The following PKNOX2 variants were observed in gnomAD, a reference collection of about 807,000 sequenced individuals.
PKNOX2 encodes homeobox protein PKNOX2.
In PKNOX2, 14 loss-of-function variants were observed where a neutral mutation model predicts 53.1. The ratio of observed to expected loss-of-function variants is 0.26; its 90% CI spans 0.17 to 0.41. The LOEUF is 0.41. Ranked by LOEUF, PKNOX2 falls within the 10% of genes least tolerant of loss-of-function variation. The pLI, the probability that PKNOX2 is intolerant of heterozygous loss-of-function variation, is 1.00. For synonymous variants in PKNOX2, 257 were observed against 242.8 expected (o/e 1.06, Z -0.54); for missense variants, 496 against 602.8 (o/e 0.82, Z 1.85).
At chr11:125,343,325 A>T (rs1481624666) in intron 3 of PKNOX2, among the ~76,000 whole-genome samples, 2 of 152,216 alleles carry the variant, frequency 1.3e-5, no homozygotes, top group East Asian at 1.9e-4. Context: ...AGGTAGGAAA[A>T]AGCGCACACC....
intron 5 of PKNOX2, among the ~76,000 whole-genome samples, chr11:125,381,695 A>T (rs1344142137): frequency 1.3e-5 from 2 of 152,010 alleles, no homozygotes; most frequent in African/African-American, 2.4e-5. Context: ...GCACCTCATG[A>T]TCTGACTCCT....
intron 2 of PKNOX2, among the ~76,000 whole-genome samples, chr11:125,255,347 C>T (rs147967676): frequency 1.8e-4 from 27 of 152,290 alleles, no homozygotes; most frequent in South Asian, 8.3e-4. Flanking sequence ...TAGCCTCGCT[C>T]ATATCATGAG....
At chr11:125,351,484 G>A (rs953312183) in intron 4 of PKNOX2, 92 bp downstream of exon 4, 32 of 811,684 alleles carry the variant, frequency 3.9e-5, no homozygotes, top group Middle Eastern at 5.6e-4. Flanking sequence ...TCCAGGGGCC[G>A]ACGGGCAGAG....
chr11:125,322,205 T>G (rs1323392541), intron 2 of PKNOX2, among the ~76,000 whole-genome samples: 3 of 148,550 alleles, frequency 2.0e-5, no homozygotes, highest in South Asian at 4.2e-4. Context: ...ATGTGTCTTA[T>G]TCAAAAAAAA....
chr11:125,376,390 C>T (rs1484904058), intron 5 of PKNOX2, among the ~76,000 whole-genome samples: 1 of 152,208 alleles, frequency 6.6e-6, no homozygotes, highest in African/African-American at 2.4e-5. Flanking sequence ...TCCCACCCCC[C>T]TCTGTTCTCT....
intron 5 of PKNOX2, among the ~76,000 whole-genome samples, chr11:125,378,815 G>T (rs769658737): frequency 1.3e-5 from 2 of 152,150 alleles, no homozygotes; most frequent in Non-Finnish European, 2.9e-5. Context: ...CCTCGCCCCC[G>T]CTCATGGCTG....
chr11:125,229,182 C>T (rs908580646), intron 1 of PKNOX2, among the ~76,000 whole-genome samples: 5 of 152,164 alleles, frequency 3.3e-5, no homozygotes, highest in African/African-American at 1.2e-4. Flanking sequence ...GCGACACCCC[C>T]ACCACCCCCA....
At chr11:125,195,738 G>A (rs925215859) in intron 1 of PKNOX2, among the ~76,000 whole-genome samples, 2 of 152,152 alleles carry the variant, frequency 1.3e-5, no homozygotes, top group South Asian at 2.1e-4. Flanking sequence ...GGCCAGTGGG[G>A]CAGTCCCATC....
rs1274816650 is a variant in PKNOX2 at position 125,385,567 on chromosome 11, C to T, written c.244C>T (p.Leu82Phe). 9 of 1,610,510 alleles carry T rather than the reference C, an allele frequency of 5.6e-6. No individual in the cohort carries two copies. The highest frequency in any genetic ancestry group is 8.5e-7 in the Non-Finnish European group (1 of 1,178,632). ...TCCCTGCAGGCACCCTCTTTTCCCG[C>T]TCCTGACGCTGCTGTTTGAGAAATG... ...RAVYRHPLFP[L>F]LTLLFEKCEQ... The change falls in exon 6 of 13, where the codon CTC becomes TTC. Residue 82 changes from leucine (L) to phenylalanine (F), a missense_variant. Transcript: ENST00000298282.
At chr11:125,320,680 A>G (rs1480327856) in intron 2 of PKNOX2, among the ~76,000 whole-genome samples, 2 of 152,220 alleles carry the variant, frequency 1.3e-5, no homozygotes, top group African/African-American at 2.4e-5. Flanking sequence ...GCTTCGGACC[A>G]GAGCCCTTCT....
At chr11:125,279,611 T>A (rs543403759) in intron 2 of PKNOX2, among the ~76,000 whole-genome samples, 2 of 152,280 alleles carry the variant, frequency 1.3e-5, no homozygotes, top group South Asian at 2.1e-4. Flanking sequence ...CCTGCCAGGC[T>A]TCTTCCTATA....
chr11:125,430,058 G>A lies in PKNOX2; in HGVS notation c.1109G>A (p.Arg370Gln), dbSNP rs745540258. 20 of 1,614,010 alleles carry A rather than the reference G, an allele frequency of 1.2e-5. No individual in the cohort carries two copies. Among genetic ancestry groups the A allele is most frequent in the African/African-American group, 2.7e-5 (2 of 74,914 alleles). ...PKAKKIKSQH[R>Q]PTQRFWPNSI... The stretch of plus-strand genomic sequence containing the variant: ...GCCAAGAAGATCAAGTCTCAGCACC[G>A]GCCCACCCAAAGATTCTGGCCCAAC... Residue 370 changes from arginine (R) to glutamine (Q), a missense_variant, in exon 12 of 13, where the codon CGG (arginine) becomes CAG (glutamine). Physicochemically the swap from Arg to Gln is conservative, Grantham distance 43. Transcript: ENST00000298282.
chr11:125,250,194 G>T (rs1220764129), intron 2 of PKNOX2, among the ~76,000 whole-genome samples: 2 of 151,816 alleles, frequency 1.3e-5, no homozygotes, highest in African/African-American at 4.8e-5. Context: ...GGGACTACAG[G>T]TGCATGCCAC....
At position 125,322,328 on chromosome 11, in the gene PKNOX2, C is replaced by T. The variant is rs146345275; in HGVS notation, c.-129-9491C>T. 5.3e-5 allele frequency among the ~76,000 whole-genome samples: 8 copies of T among 152,174 alleles called. No individual in the cohort carries two copies. In the East Asian group the frequency reaches 7.7e-4, roughly 15 times the overall value. The stretch of plus-strand genomic sequence containing the variant: ...GGGGAACAGCAGTGCAGAGAAAGAC[C>T]GAGCTTTGGGAAGCATATCCAAGTG... On this transcript the variant is annotated intron_variant, in intron 2 of 12. Transcript: ENST00000298282.
intron 2 of PKNOX2, among the ~76,000 whole-genome samples, chr11:125,331,163 G>A (rs73025732): frequency 0.016 from 2,428 of 152,304 alleles, 36 homozygotes; most frequent in Non-Finnish European, 0.015. Flanking sequence ...TGCCAATGCC[G>A]TGGTCCATTT....
Position 125,368,004 on chromosome 11 carries a change from G to GC in PKNOX2, c.227+19_227+20insC. 6.2e-7 allele frequency: 1 copy of GC among 1,609,760 alleles called. No homozygotes were observed. The highest frequency in any genetic ancestry group is 8.5e-7 in the Non-Finnish European group (1 of 1,178,080). ...TATACAGGTAGGAGACACTTCAGCT[G>GC]TGTCTACAGCCCTCAACCAGCTTCA... On this transcript the variant is annotated intron_variant, in intron 5 of 12. Transcript: ENST00000298282.
chr11:125,279,722 C>G (rs571244917), intron 2 of PKNOX2, among the ~76,000 whole-genome samples: 4 of 152,336 alleles, frequency 2.6e-5, no homozygotes, highest in African/African-American at 9.6e-5. Flanking sequence ...CCTTTTGCCA[C>G]CCAGAGTAGG....
At chr11:125,300,423 CAG>C (rs1947966067) in intron 2 of PKNOX2, among the ~76,000 whole-genome samples, 2 of 152,152 alleles carry the variant, frequency 1.3e-5, no homozygotes, top group East Asian at 3.9e-4. Flanking sequence ...GCCATTGAGG[CAG>C]AGAGAGGTTA....
Position 125,394,480 on chromosome 11 carries a change from A to G in PKNOX2, c.400-3394A>G, listed in dbSNP as rs571648660. Among the ~76,000 whole-genome samples, 10 of 152,330 alleles carry G rather than the reference A, an allele frequency of 6.6e-5. No homozygotes were observed. The South Asian group carries it at 1.7e-3, about 25-fold the overall frequency. On this transcript the variant is annotated intron_variant, in intron 6 of 12. Coordinates refer to ENST00000298282, the MANE Select transcript of PKNOX2 (RefSeq NM_001382323.2). ...TTTAGTACTCCAAAAACCCTTAATT[A>G]GTTGAGCACAATCCCTGCTCATCAG...
Sources: gnomAD v4.1 joint callset for allele counts (sites outside exome capture counted in the v4.1 genomes callset) on GRCh38, gnomAD v4.1.1 for gene constraint, MANE v1.5 for transcripts, NCBI Gene and HGNC (gene_info 2026-07-23, HGNC 2026-07-21) for gene names.